The following CR1 variants were observed in gnomAD, a reference collection of about 807,000 sequenced individuals.
CR1 encodes the protein complement C3b/C4b receptor 1 (Knops blood group).
CR1 carries 116 observed loss-of-function variants against 187.3 expected under a neutral mutation model. The ratio of observed to expected loss-of-function variants is 0.62; its 90% CI spans 0.53 to 0.72. The LOEUF is 0.72. CR1 is among the 30% of genes least tolerant of loss of function. CR1 has a pLI of 0.00. For synonymous variants in CR1, 576 were observed against 747.1 expected (o/e 0.77, Z 3.73); for missense variants, 1,731 against 2,110.7 (o/e 0.82, Z 3.52).
At chr1:207,523,094 AG>A (rs1456293100) in intron 4 of CR1, among the ~76,000 whole-genome samples, 2 of 152,188 alleles carry the variant, frequency 1.3e-5, no homozygotes, top group African/African-American at 2.4e-5. Context: ...TATATCATTT[AG>A]ATTTTCAAAA....
At chr1:207,626,444 C>G (rs1346087959) in intron 45 of CR1, among the ~76,000 whole-genome samples, 2 of 152,164 alleles carry the variant, frequency 1.3e-5, no homozygotes, top group African/African-American at 2.4e-5. Context: ...TATTCCTTAT[C>G]TGGAGCTCAA....
intron 35 of CR1, among the ~76,000 whole-genome samples, chr1:207,601,701 T>C (rs1661610562): frequency 6.6e-6 from 1 of 152,194 alleles, no homozygotes; most frequent in African/African-American, 2.4e-5. Context: ...TTATTGGCCA[T>C]TTGTATGTCT....
chr1:207,572,549 T>G (rs1660611023), intron 27 of CR1, among the ~76,000 whole-genome samples: 1 of 151,934 alleles, frequency 6.6e-6, no homozygotes, highest in Non-Finnish European at 1.5e-5. Context: ...TACCATATAG[T>G]ATAAACACAA....
intron 4 of CR1, among the ~76,000 whole-genome samples, chr1:207,516,166 G>A (rs1276694543): frequency 1.3e-5 from 2 of 152,164 alleles, no homozygotes; most frequent in African/African-American, 4.8e-5. Context: ...AGGCTTCAGT[G>A]AGTTATGATG....
chr1:207,512,425 A>C (rs1478980346), intron 4 of CR1, among the ~76,000 whole-genome samples: 1 of 152,232 alleles, frequency 6.6e-6, no homozygotes, highest in Non-Finnish European at 1.5e-5. Flanking sequence ...TTTATGTGGA[A>C]AAAGAATCAG....
Position 207,511,590 on chromosome 1 carries a change from G to T in CR1, c.423G>T (p.Ser141=), listed in dbSNP as rs753825642. The change falls in exon 4 of 47, where the codon TCG becomes TCT. Residue 141 remains serine, a synonymous_variant. Transcript: ENST00000367049. ...CTAGATACCGACTCATTGGTTCCTCGTCTGCCACATGCATCATCTCAGGTG... is the reference window on the plus strand; with the variant it reads ...CTAGATACCGACTCATTGGTTCCTCTTCTGCCACATGCATCATCTCAGGTG... ...CTKGYRLIGS[S]SATCIISGDT... The T allele has an allele frequency of 6.2e-7, 1 of 1,612,876 alleles. No individual in the cohort carries two copies. Among genetic ancestry groups the T allele is most frequent in the South Asian group, 1.1e-5 (1 of 91,020 alleles).
chr1:207,578,287 G>A (rs926803324), intron 29 of CR1, 84 bp downstream of exon 29: 12 of 1,608,874 alleles, frequency 7.5e-6, no homozygotes, highest in Non-Finnish European at 9.3e-6. Context: ...TTAAGGGGGA[G>A]GTATGTATGG....
Position 207,617,927 on chromosome 1 carries a change from A to G in CR1, c.6890-144A>G, listed in dbSNP as rs1662197512. 2.4e-5 allele frequency: 19 copies of G among 778,228 alleles called. 1 individual carries two copies. In the South Asian group the frequency reaches 3.5e-4, roughly 14 times the overall value. 48.2% of individuals were successfully genotyped at this position (778,228 alleles called of 1,614,324 possible). On this transcript the variant is annotated intron_variant, in intron 41 of 46. Transcript: ENST00000367049. ...TAGAGAACCCGTCTTTCACTGATCA[A>G]ATAGGAGGGAGTGGCTTATGACCTG...
At chr1:207,525,533 A>G (rs1452848389) in intron 5 of CR1, among the ~76,000 whole-genome samples, 20 of 151,938 alleles carry the variant, frequency 1.3e-4, no homozygotes, top group Admixed American at 1.3e-3. Flanking sequence ...GTAGCTACTC[A>G]CTGAAGCCAT....
At chr1:207,609,074 ATT>A (rs147424401) in intron 36 of CR1, among the ~76,000 whole-genome samples, 1 of 151,928 alleles carries the variant, frequency 6.6e-6, no homozygotes, top group South Asian at 2.1e-4. Flanking sequence ...AAAAACATGG[ATT>A]TTTTTTGTGA....
At position 207,640,430 on chromosome 1, in the gene CR1, TG is replaced by T. The variant is rs1662949175; in HGVS notation, c.*1023del. ...GATTACAGGCATGAGCCACCGCGCC[TG>T]GCCGCTTTCGATATTTTCTAAACTT... On this transcript the variant is annotated 3_prime_UTR_variant, in exon 47 of 47. Coordinates refer to ENST00000367049, the MANE Select transcript of CR1 (RefSeq NM_000651.6). The T allele has an allele frequency of 6.6e-6, 1 of 152,374 alleles. No individual in the cohort carries two copies. The highest frequency in any genetic ancestry group is 6.5e-5 in the Admixed American group (1 of 15,310). The allele number at this position is 152,374 out of a possible 1,614,324, so 9.4% of individuals were successfully genotyped here.
chr1:207,609,394 G>A lies in CR1; in HGVS notation c.6001G>A (p.Gly2001Arg). 6.2e-7 allele frequency: 1 copy of A among 1,613,968 alleles called. No individual in the cohort carries two copies. Among genetic ancestry groups the A allele is most frequent in the African/African-American group, 1.3e-5 (1 of 75,014 alleles). Residue 2001 changes from glycine (G) to arginine (R), a missense_variant, in exon 37 of 47, where the codon GGA (glycine) becomes AGA (arginine). Gly to Arg is a moderately radical substitution (Grantham distance 125). This residue lies in a region of CR1 where 1,312 missense variants were observed against 1,379.6 expected (regional missense o/e 0.95). Transcript: ENST00000367049. ...GTVVTYQCHT[G>R]PDGEQLFELV... ...GGTGGTAACTTACCAGTGCCACACT[G>A]GACCAGATGGAGAACAGCTGTTTGA...
At chr1:207,503,614 C>T (rs1659341026) in intron 1 of CR1, among the ~76,000 whole-genome samples, 1 of 152,178 alleles carries the variant, frequency 6.6e-6, no homozygotes, top group Non-Finnish European at 1.5e-5. Context: ...CTCTTGCCTC[C>T]CTTTTATAAG....
At chr1:207,636,599 T>C (rs1387180823) in intron 46 of CR1, among the ~76,000 whole-genome samples, 1 of 152,194 alleles carries the variant, frequency 6.6e-6, no homozygotes, top group African/African-American at 2.4e-5. Flanking sequence ...CACAATCTTG[T>C]AGAATTTTTT....
chr1:207,595,529 T>C (rs187170442), intron 35 of CR1, among the ~76,000 whole-genome samples: 1 of 152,272 alleles, frequency 6.6e-6, no homozygotes, highest in African/African-American at 2.4e-5. Context: ...GCTTCCGTTC[T>C]GTAACACTAA....
chr1:207,637,403 C>T (rs1030677889), intron 46 of CR1, among the ~76,000 whole-genome samples: 1 of 152,236 alleles, frequency 6.6e-6, no homozygotes, highest in African/African-American at 2.4e-5. Context: ...CAAACTAAAA[C>T]TTCTGTATTT....
At chr1:207,619,036 C>CAAAAAAA (rs71727231) in intron 42 of CR1, among the ~76,000 whole-genome samples, 4 of 38,422 alleles carry the variant, frequency 1.0e-4, no homozygotes, top group African/African-American at 1.2e-4. Context: ...GACTCCGTCT[C>CAAAAAAA]AAAAAAAAAA....
chr1:207,597,884 GC>G (rs1474241691), intron 35 of CR1, among the ~76,000 whole-genome samples: 17 of 152,294 alleles, frequency 1.1e-4, no homozygotes, highest in Admixed American at 4.6e-4. Flanking sequence ...ATGAAATGGA[GC>G]TTATCCATTC....
At chr1:207,624,289 C>A (rs976634559) in intron 45 of CR1, among the ~76,000 whole-genome samples, 1 of 151,912 alleles carries the variant, frequency 6.6e-6, no homozygotes, top group Non-Finnish European at 1.5e-5. Flanking sequence ...AATAAAGAAA[C>A]GTCTTTGACA....
Sources: gnomAD v4.1 joint callset for allele counts (sites outside exome capture counted in the v4.1 genomes callset) on GRCh38, gnomAD v4.1.1 for gene constraint, gnomAD v4.1.1 regional missense constraint, MANE v1.5 for transcripts, NCBI Gene and HGNC (gene_info 2026-07-23, HGNC 2026-07-21) for gene names.